The following TNRC6B variants were observed in gnomAD, a reference collection of about 807,000 sequenced individuals.
The protein encoded by TNRC6B is trinucleotide repeat containing adaptor 6B.
TNRC6B carries 52 observed loss-of-function variants against 203.6 expected under a neutral mutation model. That is an observed-to-expected ratio of 0.26 (90% CI 0.20 to 0.32). The LOEUF (loss-of-function observed/expected upper bound fraction) is 0.32, where lower values mean the gene tolerates loss of function less well. Among genes scored for constraint, TNRC6B ranks in the 10% least tolerant of loss-of-function variants. The pLI is 1.00. For missense variants in TNRC6B, 1,923 were observed against 2,286.2 expected (o/e 0.84, Z 3.24); for synonymous variants, 838 against 845.7 (o/e 0.99, Z 0.16).
intron 7 of TNRC6B, among the ~76,000 whole-genome samples, chr22:40,275,440 G>A (rs928427209): frequency 5.9e-5 from 9 of 151,984 alleles, no homozygotes; most frequent in African/African-American, 2.2e-4. Flanking sequence ...TATACCGAGG[G>A]CGTTTTTTTT....
rs776795567 is a variant in TNRC6B, at chr22:40,273,510, T to C, written c.3051T>C (p.Asp1017=). ...ATCCCAGCTGGGAAGAGGAGGAGGA[T>C]GGAGGAGTCTGGAACACCACTGGCT... ...ARHPSWEEEE[D]GGVWNTTGSQ... The change falls in exon 7 of 23, where the codon GAT becomes GAC. Residue 1017 remains aspartate, a synonymous_variant. Transcript: ENST00000454349. The C allele has an allele frequency of 2.5e-6, 4 of 1,600,626 alleles. No homozygotes were observed. The highest frequency in any genetic ancestry group is 2.6e-6 in the Non-Finnish European group (3 of 1,173,404).
At chr22:40,107,132 A>G (rs770461766) in intron 1 of TNRC6B, 6 of 596,234 alleles carry the variant, frequency 1.0e-5, no homozygotes, top group African/African-American at 3.7e-5. Context: ...TCATGTAGTC[A>G]TGTTTGTCAG....
chr22:40,048,012 G>A (rs143359804), intron 1 of TNRC6B, among the ~76,000 whole-genome samples: 327 of 152,214 alleles, frequency 2.1e-3, no homozygotes, highest in Non-Finnish European at 3.5e-3. Flanking sequence ...TGCAAAATGC[G>A]CGTTTTGAAA....
chr22:40,048,540 CAAA>C (rs575286994), intron 1 of TNRC6B, among the ~76,000 whole-genome samples: 1 of 85,310 alleles, frequency 1.2e-5, no homozygotes, highest in African/African-American at 4.0e-5. Context: ...GGCTCCGTCT[CAAA>C]AAAAAAAAAA....
intron 16 of TNRC6B, 107 bp from the exon 17 acceptor site, chr22:40,310,710 A>G (rs1420962491): frequency 2.6e-6 from 3 of 1,146,510 alleles, no homozygotes; most frequent in Non-Finnish European, 3.7e-6. Flanking sequence ...CTGTTTGTAT[A>G]TACTCCATCA....
chr22:40,092,543 A>G (rs1315415779), intron 1 of TNRC6B, among the ~76,000 whole-genome samples: 7 of 152,102 alleles, frequency 4.6e-5, no homozygotes, highest in East Asian at 1.9e-4. Context: ...GGTTGTTGCT[A>G]TGTTACCCAG....
intron 12 of TNRC6B, among the ~76,000 whole-genome samples, chr22:40,290,708 T>C (rs1358948845): frequency 6.6e-6 from 1 of 151,998 alleles, no homozygotes; most frequent in Non-Finnish European, 1.5e-5. Context: ...TCTCCCTCTC[T>C]GCCCCGCGCC....
chr22:40,145,348 TGAG>T (rs946340217), intron 3 of TNRC6B, among the ~76,000 whole-genome samples: 2 of 152,222 alleles, frequency 1.3e-5, no homozygotes, highest in South Asian at 2.1e-4. Context: ...AAAAAAAAAT[TGAG>T]GAGCTTCCAC....
At chr22:40,214,655 T>G (rs140231570) in intron 1 of TNRC6B, among the ~76,000 whole-genome samples, 31 of 152,098 alleles carry the variant, frequency 2.0e-4, no homozygotes, top group African/African-American at 7.2e-4. Flanking sequence ...TGGGCTCAGA[T>G]GATTTTCTGG....
chr22:40,236,010 A>T (rs1274826005), intron 1 of TNRC6B, among the ~76,000 whole-genome samples: 1 of 152,226 alleles, frequency 6.6e-6, no homozygotes, highest in Non-Finnish European at 1.5e-5. Context: ...CACATGCCAG[A>T]AGCAAGGCAG....
At chr22:40,143,654 G>A (rs190034744) in intron 3 of TNRC6B, among the ~76,000 whole-genome samples, 1,637 of 152,016 alleles carry the variant, frequency 0.011, 36 homozygotes, top group African/African-American at 0.037. Flanking sequence ...CCACCACCAC[G>A]CCCCGCTAAT....
chr22:40,318,363 T>A (rs145117347), intron 21 of TNRC6B, among the ~76,000 whole-genome samples: 4 of 152,152 alleles, frequency 2.6e-5, no homozygotes, highest in South Asian at 2.1e-4. Context: ...CTGGCTAACA[T>A]GGTGAAACCC....
chr22:40,214,469 A>G (rs1356471813), intron 1 of TNRC6B, among the ~76,000 whole-genome samples: 1 of 152,110 alleles, frequency 6.6e-6, no homozygotes, highest in Non-Finnish European at 1.5e-5. Context: ...ATAGTTATGT[A>G]AGATATTACC....
At position 40,327,704 on chromosome 22, in the gene TNRC6B, G is replaced by A. The variant is rs1230836336; in HGVS notation, c.*4463G>A. The A allele has an allele frequency of 6.6e-6, 1 of 152,214 alleles. No individual in the cohort carries two copies. The highest frequency in any genetic ancestry group is 1.5e-5 in the Non-Finnish European group (1 of 68,060). The allele number at this position is 152,214 out of a possible 1,614,324, so 9.4% of individuals were successfully genotyped here. On this transcript the variant is annotated 3_prime_UTR_variant, in exon 23 of 23. Coordinates refer to ENST00000454349, the MANE Select transcript of TNRC6B (RefSeq NM_001162501.2). ...AAGAGCCATGTCTACTAAGAGGTTA[G>A]ATGACTTCAGTATACTTATAAAATT... is the stretch of plus-strand genomic sequence containing the variant.
intron 6 of TNRC6B, among the ~76,000 whole-genome samples, chr22:40,271,741 T>C (rs1243475988): frequency 6.6e-6 from 1 of 152,174 alleles, no homozygotes; most frequent in Non-Finnish European, 1.5e-5. Flanking sequence ...AAACCACTTT[T>C]CCTCAGATTC....
At chr22:40,135,220 C>T (rs945238830) in intron 3 of TNRC6B, among the ~76,000 whole-genome samples, 5 of 152,188 alleles carry the variant, frequency 3.3e-5, no homozygotes, top group Non-Finnish European at 7.3e-5. Context: ...CCCAGCTTTG[C>T]TTCTTCCCCA....
At position 40,329,459 on chromosome 22, in the gene TNRC6B, G is replaced by A. The variant is rs769483101; in HGVS notation, c.*6218G>A. 1 of 152,102 alleles carries A rather than the reference G, an allele frequency of 6.6e-6. No individual in the cohort carries two copies. Among genetic ancestry groups the A allele is most frequent in the Admixed American group, 6.5e-5 (1 of 15,274 alleles). 9.4% of individuals were successfully genotyped at this position (152,102 alleles called of 1,614,324 possible). A position where few individuals can be genotyped will look rare whatever the true frequency, so the allele number is the denominator to read the frequency against. ...TTTTTTTTTCTTAAGTTTGACAAAG[G>A]GGGTGGTAATATCACATTCTTTAGA... On this transcript the variant is annotated 3_prime_UTR_variant, in exon 23 of 23. Transcript: ENST00000454349.
chr22:40,251,771 C>CT (rs997182526), intron 3 of TNRC6B, among the ~76,000 whole-genome samples: 1 of 151,376 alleles, frequency 6.6e-6, no homozygotes, highest in African/African-American at 2.4e-5. Context: ...CTTTTCAAAA[C>CT]TTTTTTTAAA....
intron 1 of TNRC6B, among the ~76,000 whole-genome samples, chr22:40,089,881 A>G (rs886937031): frequency 5.3e-5 from 8 of 152,090 alleles, no homozygotes; most frequent in African/African-American, 1.9e-4. Context: ...GCAACCACTG[A>G]TCTTTTTACT....
Sources: allele counts gnomAD v4.1 joint callset (sites outside exome capture counted in the v4.1 genomes callset), GRCh38; gene constraint gnomAD v4.1.1; transcripts MANE v1.5; gene names NCBI Gene and HGNC (gene_info 2026-07-23, HGNC 2026-07-21).